Variants in DTNB observed in about 807,000 individuals in gnomAD.
DTNB encodes the protein DTN-B.
Under a neutral mutation model 90.7 loss-of-function variants are expected in DTNB, and 63 were observed. The ratio of observed to expected loss-of-function variants is 0.69; its 90% CI spans 0.57 to 0.86. DTNB has a LOEUF of 0.86. Among genes scored for constraint, DTNB ranks in the 40% least tolerant of loss-of-function variants. The probability of loss-of-function intolerance (pLI) is 0.00; values close to 1 mark genes in which losing one functional copy is unlikely to be tolerated. For synonymous variants in DTNB, 277 were observed against 286.7 expected (o/e 0.97, Z 0.34); for missense variants, 744 against 807.1 (o/e 0.92, Z 0.95).
intron 16 of DTNB, among the ~76,000 whole-genome samples, chr2:25,392,988 A>G (rs2041554139): frequency 6.6e-6 from 1 of 152,204 alleles, no homozygotes; most frequent in African/African-American, 2.4e-5. Flanking sequence ...AATCCTCAAA[A>G]AAATACTAGT....
intron 8 of DTNB, among the ~76,000 whole-genome samples, chr2:25,553,601 G>A (rs887827404): frequency 3.3e-5 from 5 of 151,878 alleles, no homozygotes; most frequent in Non-Finnish European, 7.4e-5. Context: ...TTAGCCGGGT[G>A]TGGTGGCAGG....
At chr2:25,474,333 T>A (rs185098195) in intron 10 of DTNB, among the ~76,000 whole-genome samples, 1 of 152,216 alleles carries the variant, frequency 6.6e-6, no homozygotes. Context: ...TATTCTTGTG[T>A]TGACTTGGTG....
intron 8 of DTNB, among the ~76,000 whole-genome samples, chr2:25,544,701 A>T (rs1032867528): frequency 6.6e-6 from 1 of 152,226 alleles, no homozygotes; most frequent in African/African-American, 2.4e-5. Flanking sequence ...TAGTAACTTC[A>T]GTCCTTTAAT....
chr2:25,642,733 G>A (rs2078614414), intron 2 of DTNB, among the ~76,000 whole-genome samples: 1 of 151,844 alleles, frequency 6.6e-6, no homozygotes, highest in Admixed American at 6.6e-5. Flanking sequence ...TTTTTAACAA[G>A]TGCCCCAGTA....
intron 4 of DTNB, among the ~76,000 whole-genome samples, chr2:25,617,483 C>T (rs1174443074): frequency 6.6e-6 from 1 of 152,130 alleles, no homozygotes; most frequent in Admixed American, 6.5e-5. Flanking sequence ...TCATTTACCA[C>T]TTTAGGTTCA....
intron 3 of DTNB, among the ~76,000 whole-genome samples, chr2:25,634,032 G>A (rs532373648): frequency 2.6e-5 from 4 of 152,248 alleles, no homozygotes; most frequent in South Asian, 2.1e-4. Context: ...CCCCGTCTGG[G>A]AAGTTAGGAG....
chr2:25,619,004 A>C (rs2071635231), intron 4 of DTNB, among the ~76,000 whole-genome samples: 1 of 152,106 alleles, frequency 6.6e-6, no homozygotes, highest in South Asian at 2.1e-4. Context: ...TGAAGTCCCC[A>C]CCTGTTCCCT....
intron 4 of DTNB, among the ~76,000 whole-genome samples, chr2:25,625,919 G>C (rs1166946070): frequency 1.3e-5 from 2 of 152,120 alleles, no homozygotes; most frequent in Non-Finnish European, 2.9e-5. Flanking sequence ...CCTTATAAAA[G>C]AGGTTCCCGA....
intron 15 of DTNB, among the ~76,000 whole-genome samples, chr2:25,427,180 AACACACACACACACACACACACAC>A (rs3041256): frequency 8.6e-5 from 12 of 139,568 alleles, no homozygotes; most frequent in African/African-American, 2.2e-4. Flanking sequence ...TCCATCTCAA[AACACACACACACACACACACACAC>A]ACACACACAC....
intron 3 of DTNB, among the ~76,000 whole-genome samples, chr2:25,628,751 G>C (rs193296738): frequency 6.6e-6 from 1 of 152,152 alleles, no homozygotes; most frequent in African/African-American, 2.4e-5. Context: ...CAGCTTTACT[G>C]TATTACTTTA....
chr2:25,646,093 A>G (rs888758699), intron 2 of DTNB, among the ~76,000 whole-genome samples: 5 of 152,108 alleles, frequency 3.3e-5, no homozygotes, highest in African/African-American at 1.2e-4. Context: ...AACCTGAGAG[A>G]CTGTTTCAGG....
intron 1 of DTNB, among the ~76,000 whole-genome samples, chr2:25,660,055 T>C (rs946054598): frequency 1.8e-4 from 27 of 152,214 alleles, no homozygotes; most frequent in Middle Eastern, 3.4e-3. Flanking sequence ...AGGATAGCAA[T>C]AGGAATCAAT....
intron 17 of DTNB, 72 bp downstream of exon 17, chr2:25,388,130 A>T: frequency 1.3e-6 from 2 of 1,531,992 alleles, no homozygotes; most frequent in East Asian, 2.4e-5. Flanking sequence ...AATGGAAAAA[A>T]CCTCAGCAGG....
intron 10 of DTNB, among the ~76,000 whole-genome samples, chr2:25,475,554 A>T (rs948561486): frequency 2.0e-5 from 3 of 152,266 alleles, no homozygotes; most frequent in African/African-American, 7.2e-5. Context: ...CAGAAGATCT[A>T]GCTCAGATCA....
At position 25,534,890 on chromosome 2, in the gene DTNB, C is replaced by A. The variant is rs572994627; in HGVS notation, c.877-3293G>T. 2.8e-5 allele frequency among the ~76,000 whole-genome samples: 4 copies of A among 144,764 alleles called. No individual in the cohort carries two copies. In the East Asian group the frequency reaches 8.5e-4, roughly 31 times the overall value. 95.0% of individuals were successfully genotyped at this position (144,764 alleles called of 152,430 possible). On this transcript the variant is annotated intron_variant, in intron 8 of 20. Coordinates refer to ENST00000406818, the MANE Select transcript of DTNB (RefSeq NM_021907.5). Reference sequence around the variant, plus strand: ...GCAGAGGCGCTCCTCACTTCCCAGACGGGGCGGCCGGGCAGAGGCACTCCC... The same window carrying A: ...GCAGAGGCGCTCCTCACTTCCCAGAAGGGGCGGCCGGGCAGAGGCACTCCC...
intron 8 of DTNB, among the ~76,000 whole-genome samples, chr2:25,569,292 A>G (rs1298236884): frequency 6.6e-6 from 1 of 152,258 alleles, no homozygotes; most frequent in African/African-American, 2.4e-5. Flanking sequence ...ATTATGCAGC[A>G]AGAGTCACTG....
chr2:25,622,399 GA>G (rs1346668668), intron 4 of DTNB, among the ~76,000 whole-genome samples: 1 of 152,206 alleles, frequency 6.6e-6, no homozygotes, highest in Non-Finnish European at 1.5e-5. Context: ...AGAATCGCTT[GA>G]ATCCAGGAGG....
At chr2:25,646,900 ACT>A (rs1450310688) in intron 2 of DTNB, among the ~76,000 whole-genome samples, 2 of 151,950 alleles carry the variant, frequency 1.3e-5, no homozygotes, top group African/African-American at 2.4e-5. Flanking sequence ...ACAGAATTTG[ACT>A]CTTTTTGTCA....
At chr2:25,599,921 A>G (rs949493331) in intron 5 of DTNB, among the ~76,000 whole-genome samples, 1 of 145,184 alleles carries the variant, frequency 6.9e-6, no homozygotes, top group African/African-American at 2.5e-5. Flanking sequence ...AGATAGCAGG[A>G]CCTTGTCTCT....
Sources: gnomAD v4.1 joint callset for allele counts (sites outside exome capture counted in the v4.1 genomes callset) on GRCh38, gnomAD v4.1.1 for gene constraint, MANE v1.5 for transcripts, NCBI Gene and HGNC (gene_info 2026-07-23, HGNC 2026-07-21) for gene names.